Variants in ATP8A2 observed in about 807,000 individuals in gnomAD.
ATP8A2 encodes the protein phospholipid-transporting ATPase IB.
In ATP8A2, 100 loss-of-function variants were observed where a neutral mutation model predicts 165.6. The ratio of observed to expected loss-of-function variants is 0.60; its 90% confidence interval spans 0.51 to 0.71. The LOEUF (loss-of-function observed/expected upper bound fraction) is 0.71, where lower values mean the gene tolerates loss of function less well. Among genes scored for constraint, ATP8A2 ranks in the 30% least tolerant of loss-of-function variants. ATP8A2 has a pLI of 0.00. For synonymous variants in ATP8A2, 543 were observed against 548.8 expected (o/e 0.99, Z 0.15); for missense variants, 1,227 against 1,479.5 (o/e 0.83, Z 2.80).
intron 11 of ATP8A2, 132 bp from the exon 12 acceptor site, chr13:25,553,661 A>G: frequency 1.1e-6 from 1 of 879,096 alleles, no homozygotes; most frequent in East Asian, 2.5e-5. Context: ...TGCCTCCTAC[A>G]GAAAGCAGCC....
intron 2 of ATP8A2, among the ~76,000 whole-genome samples, chr13:25,526,617 C>T (rs2037849853): frequency 6.6e-6 from 1 of 152,144 alleles, no homozygotes; most frequent in Admixed American, 6.5e-5. Flanking sequence ...AAGGGGATAG[C>T]CTAGCAATGT....
chr13:25,667,270 C>T (rs553409945), intron 24 of ATP8A2, among the ~76,000 whole-genome samples: 4 of 152,140 alleles, frequency 2.6e-5, no homozygotes, highest in South Asian at 4.2e-4. Context: ...TTGCCTCCAC[C>T]GACACACACA....
At chr13:25,699,619 A>G (rs532506172) in intron 25 of ATP8A2, among the ~76,000 whole-genome samples, 5 of 152,322 alleles carry the variant, frequency 3.3e-5, no homozygotes, top group Non-Finnish European at 5.9e-5. Context: ...GATAAATTGG[A>G]AAAACACTGC....
intron 1 of ATP8A2, among the ~76,000 whole-genome samples, chr13:25,440,232 G>A (rs927270668): frequency 6.6e-6 from 1 of 152,122 alleles, no homozygotes; most frequent in African/African-American, 2.4e-5. Flanking sequence ...TGGTGTTACT[G>A]GGAAAGTAAG....
chr13:25,668,661 T>A (rs1344856285), intron 24 of ATP8A2, among the ~76,000 whole-genome samples: 1 of 152,190 alleles, frequency 6.6e-6, no homozygotes, highest in Non-Finnish European at 1.5e-5. Flanking sequence ...CCCATTTGCA[T>A]GTGTTGGTAT....
At chr13:25,897,743 C>A (rs1276247041) in intron 33 of ATP8A2, among the ~76,000 whole-genome samples, 2 of 152,092 alleles carry the variant, frequency 1.3e-5, no homozygotes, top group African/African-American at 2.4e-5. Context: ...TCTTTTTATT[C>A]TTTTTTCTCT....
intron 30 of ATP8A2, among the ~76,000 whole-genome samples, chr13:25,858,375 G>A (rs1048050867): frequency 3.9e-5 from 6 of 152,044 alleles, no homozygotes; most frequent in South Asian, 2.1e-4. Flanking sequence ...CTTTGAGACC[G>A]TTCCTTTTTA....
intron 24 of ATP8A2, among the ~76,000 whole-genome samples, chr13:25,618,567 A>G (rs561994300): frequency 3.3e-5 from 5 of 151,278 alleles, no homozygotes; most frequent in East Asian, 3.9e-4. Context: ...CTCATTAGCA[A>G]CTTTGTCTGT....
At chr13:25,686,596 G>T (rs549113928) in intron 24 of ATP8A2, among the ~76,000 whole-genome samples, 3 of 152,310 alleles carry the variant, frequency 2.0e-5, no homozygotes, top group African/African-American at 7.2e-5. Context: ...CTAGATAACA[G>T]AGTTTTCTTG....
intron 24 of ATP8A2, among the ~76,000 whole-genome samples, chr13:25,591,935 A>AT (rs2040092751): frequency 1.3e-5 from 2 of 151,850 alleles, no homozygotes; most frequent in Non-Finnish European, 2.9e-5. Context: ...GTAATTTTAC[A>AT]TTTCACTTTT....
chr13:25,632,693 G>C (rs1233821850), intron 24 of ATP8A2, among the ~76,000 whole-genome samples: 3 of 152,114 alleles, frequency 2.0e-5, no homozygotes, highest in African/African-American at 7.2e-5. Context: ...ATGGGCCTTA[G>C]GTAAAGACAG....
chr13:25,653,213 G>C (rs868742185), intron 24 of ATP8A2, among the ~76,000 whole-genome samples: 2 of 152,146 alleles, frequency 1.3e-5, no homozygotes, highest in Non-Finnish European at 2.9e-5. Flanking sequence ...ATTGAATAGG[G>C]AGTCCTTTCC....
intron 23 of ATP8A2, among the ~76,000 whole-genome samples, chr13:25,589,334 C>G (rs2040006867): frequency 6.6e-6 from 1 of 152,132 alleles, no homozygotes; most frequent in South Asian, 2.1e-4. Context: ...GAAGTGTTCA[C>G]TGTTACTTTA....
intron 24 of ATP8A2, among the ~76,000 whole-genome samples, chr13:25,594,598 C>T (rs1565962709): frequency 6.6e-6 from 1 of 152,070 alleles, no homozygotes; most frequent in Non-Finnish European, 1.5e-5. Context: ...TCCCCAAAGT[C>T]CATCGTGTCA....
At chr13:25,896,671 T>A (rs1195607258) in intron 33 of ATP8A2, among the ~76,000 whole-genome samples, 4 of 152,178 alleles carry the variant, frequency 2.6e-5, no homozygotes, top group Non-Finnish European at 4.4e-5. Flanking sequence ...GGAGTCTAAG[T>A]CTCTTTGTAG....
chr13:25,971,433 C>G (rs1241032392), intron 35 of ATP8A2, among the ~76,000 whole-genome samples: 2 of 152,012 alleles, frequency 1.3e-5, no homozygotes, highest in African/African-American at 2.4e-5. Context: ...CTTATAGACC[C>G]CCACCTCTTT....
At position 26,025,220 on chromosome 13, in the gene ATP8A2, G is replaced by C. The variant is rs976171894; in HGVS notation, c.*5235G>C. 1.1e-4 allele frequency: 16 copies of C among 151,296 alleles called. No homozygotes were observed. Among genetic ancestry groups the C allele is most frequent in the African/African-American group, 3.6e-4 (15 of 41,158 alleles). The allele number at this position is 151,296 out of a possible 1,614,324, so 9.4% of individuals were successfully genotyped here. On this transcript the variant is annotated 3_prime_UTR_variant, in exon 37 of 37. Coordinates refer to ENST00000381655, the MANE Select transcript of ATP8A2 (RefSeq NM_016529.6). ...CAGTAAAGACTTTTGGGTTTTCATG[G>C]ATAAAATCAATGTCAGTACTGAAAC...
chr13:25,386,962 A>C (rs1470495984), intron 1 of ATP8A2, among the ~76,000 whole-genome samples: 3 of 108,764 alleles, frequency 2.8e-5, no homozygotes, highest in African/African-American at 5.4e-5. Flanking sequence ...GCGCCCTTGC[A>C]CTCCAGCCTG....
intron 24 of ATP8A2, among the ~76,000 whole-genome samples, chr13:25,623,878 C>T (rs1043924466): frequency 5.3e-5 from 8 of 151,746 alleles, no homozygotes; most frequent in South Asian, 2.1e-4. Flanking sequence ...ATGCATATAC[C>T]TATATATGCA....
Sources: gnomAD v4.1 joint callset for allele counts (sites outside exome capture counted in the v4.1 genomes callset) on GRCh38, gnomAD v4.1.1 for gene constraint, MANE v1.5 for transcripts, NCBI Gene and HGNC (gene_info 2026-07-23, HGNC 2026-07-21) for gene names.